Variants in SAMD5 observed in about 807,000 individuals in gnomAD.
The protein encoded by SAMD5 is sterile alpha motif domain containing 5, also known as sterile alpha motif domain-containing protein 5.
A neutral mutation model predicts 11.3 loss-of-function variants in SAMD5; 13 were observed. The observed-to-expected ratio is 1.15, with a 90% CI of 0.75 to 1.83. The LOEUF (loss-of-function observed/expected upper bound fraction) is 1.83, where lower values mean the gene tolerates loss of function less well. Among genes scored for constraint, SAMD5 ranks in the 40% most tolerant of loss-of-function variants. The pLI is 0.00. For missense variants in SAMD5, 255 were observed against 239.1 expected (o/e 1.07, Z -0.44); for synonymous variants, 129 against 111.3 (o/e 1.16, Z -1.00).
At chr6:147,752,102 A>C in the SAMD5 span, among the ~76,000 whole-genome samples, 5 of 152,182 alleles carry the variant, frequency 3.3e-5, no homozygotes, top group Non-Finnish European at 1.5e-5. Context: ...CTTTGTGTAC[A>C]TGTGTATGTC....
At position 147,565,582 on chromosome 6, in the gene SAMD5, T is replaced by C. The variant is rs702344; in HGVS notation, c.*1126T>C. Reference sequence around the variant, plus strand: ...CAAGGAATTCTCCTGCCTCGGCCTCTTGGTAGCTGGGATTACAGGCACGCA... The same window carrying C: ...CAAGGAATTCTCCTGCCTCGGCCTCCTGGTAGCTGGGATTACAGGCACGCA... On this transcript the variant is annotated 3_prime_UTR_variant, in exon 2 of 2. Coordinates refer to ENST00000367474, the MANE Select transcript of SAMD5 (RefSeq NM_001030060.3). 179,414 of 462,114 alleles carry C rather than the reference T, an allele frequency of 0.39. 36,325 individuals are homozygous for C. Among genetic ancestry groups the C allele is most frequent in the African/African-American group, 0.56 (26,035 of 46,794 alleles). The allele number at this position is 462,114 out of a possible 1,614,324, so 28.6% of individuals were successfully genotyped here.
chr6:147,635,368 C>T (rs1204025133), intron 1 of SAMD5, among the ~76,000 whole-genome samples: 3 of 152,152 alleles, frequency 2.0e-5, no homozygotes, highest in Non-Finnish European at 4.4e-5. Flanking sequence ...GTCTTCTTAA[C>T]AATCCTATGA....
chr6:147,944,844 A>G, the SAMD5 span, among the ~76,000 whole-genome samples: 3 of 152,166 alleles, frequency 2.0e-5, no homozygotes, highest in Non-Finnish European at 4.4e-5. Context: ...GAATCTGTTC[A>G]TGCCTCTTCC....
chr6:147,709,286 A>G (rs1321702719), intron 1 of SAMD5, among the ~76,000 whole-genome samples: 1 of 152,214 alleles, frequency 6.6e-6, no homozygotes, highest in Admixed American at 6.5e-5. Flanking sequence ...CTCTTAAGAT[A>G]TTAGGATTCT....
At chr6:147,777,616 G>C in the SAMD5 span, among the ~76,000 whole-genome samples, 1 of 152,168 alleles carries the variant, frequency 6.6e-6, no homozygotes, top group Non-Finnish European at 1.5e-5. Context: ...AGTCCCCACT[G>C]TCTACTTTCA....
At chr6:147,662,592 A>G (rs1390354889) in intron 1 of SAMD5, among the ~76,000 whole-genome samples, 3 of 152,226 alleles carry the variant, frequency 2.0e-5, no homozygotes, top group Non-Finnish European at 4.4e-5. Context: ...GGAAATATCG[A>G]TAGCCTTCAC....
At chr6:147,879,622 A>G in the SAMD5 span, among the ~76,000 whole-genome samples, 1 of 152,216 alleles carries the variant, frequency 6.6e-6, no homozygotes, top group South Asian at 2.1e-4. Context: ...GTACTAAGAG[A>G]TCTGATCGAA....
At chr6:147,681,659 A>G (rs924719149) in intron 1 of SAMD5, among the ~76,000 whole-genome samples, 6 of 152,094 alleles carry the variant, frequency 3.9e-5, no homozygotes, top group South Asian at 2.1e-4. Context: ...TTCTACTTCT[A>G]TAAATATTCT....
At chr6:147,683,199 G>A (rs1300524788) in intron 1 of SAMD5, among the ~76,000 whole-genome samples, 3 of 152,148 alleles carry the variant, frequency 2.0e-5, no homozygotes. Context: ...CTTACAAACA[G>A]AATTGACTGT....
intron 1 of SAMD5, among the ~76,000 whole-genome samples, chr6:147,550,195 A>T (rs1562318142): frequency 6.6e-6 from 1 of 152,134 alleles, no homozygotes; most frequent in Admixed American, 6.6e-5. Flanking sequence ...GTGAGCCATG[A>T]TCACTGCACT....
At chr6:147,857,254 G>C in the SAMD5 span, among the ~76,000 whole-genome samples, 1 of 151,312 alleles carries the variant, frequency 6.6e-6, no homozygotes. Flanking sequence ...TGTAATCCCA[G>C]CACTTTGGGA....
intron 1 of SAMD5, among the ~76,000 whole-genome samples, chr6:147,535,135 A>G (rs1788488923): frequency 6.6e-6 from 1 of 151,984 alleles, no homozygotes; most frequent in Non-Finnish European, 1.5e-5. Flanking sequence ...GAAGACAGGA[A>G]ATGGCCATTG....
intron 1 of SAMD5, among the ~76,000 whole-genome samples, chr6:147,531,147 T>G (rs1788423903): frequency 8.5e-6 from 1 of 117,364 alleles, no homozygotes; most frequent in Non-Finnish European, 1.7e-5. Flanking sequence ...AAAATGATAG[T>G]CTTAAAAGTT....
chr6:147,514,199 G>A (rs766200596), intron 1 of SAMD5, among the ~76,000 whole-genome samples: 2 of 152,042 alleles, frequency 1.3e-5, no homozygotes, highest in Non-Finnish European at 2.9e-5. Context: ...AGTGAAGGGA[G>A]CATTCGCTTC....
the SAMD5 span, among the ~76,000 whole-genome samples, chr6:147,878,052 C>T: frequency 2.4e-4 from 37 of 151,786 alleles, no homozygotes; most frequent in Non-Finnish European, 5.3e-4. Context: ...GCTAGGATTA[C>T]ATGCGTGAGC....
At chr6:147,845,433 A>G in the SAMD5 span, among the ~76,000 whole-genome samples, 27 of 152,306 alleles carry the variant, frequency 1.8e-4, no homozygotes, top group South Asian at 5.6e-3. Flanking sequence ...TGCTCTGTGA[A>G]AGGTCAAAAG....
intron 1 of SAMD5, among the ~76,000 whole-genome samples, chr6:147,627,605 G>A (rs768793469): frequency 1.3e-4 from 20 of 152,190 alleles, no homozygotes; most frequent in Admixed American, 7.2e-4. Flanking sequence ...ATATTAATGC[G>A]AGTCAGGAGA....
At chr6:147,713,337 C>A (rs1256021871) in intron 1 of SAMD5, among the ~76,000 whole-genome samples, 1 of 152,080 alleles carries the variant, frequency 6.6e-6, no homozygotes, top group Non-Finnish European at 1.5e-5. Context: ...ATGTATATAC[C>A]CTTGATTTAT....
chr6:147,735,340 C>A (rs1369097746), intron 1 of SAMD5, among the ~76,000 whole-genome samples: 1 of 151,846 alleles, frequency 6.6e-6, no homozygotes, highest in Non-Finnish European at 1.5e-5. Flanking sequence ...TTTGTTGTGG[C>A]TTTGATTGTT....
Sources: gnomAD v4.1 joint callset for allele counts (sites outside exome capture counted in the v4.1 genomes callset) on GRCh38, gnomAD v4.1.1 for gene constraint, MANE v1.5 for transcripts, NCBI Gene and HGNC (gene_info 2026-07-23, HGNC 2026-07-21) for gene names.